The following DNASE1 variants were observed in gnomAD, a reference collection of about 807,000 sequenced individuals.
The protein encoded by DNASE1 is deoxyribonuclease 1, also known as deoxyribonuclease-1.
A neutral mutation model predicts 33.9 loss-of-function variants in DNASE1; 40 were observed. The observed-to-expected ratio is 1.18, with a 90% CI of 0.92 to 1.54. The LOEUF (loss-of-function observed/expected upper bound fraction) is 1.54. Ranked by LOEUF, DNASE1 falls within the 40% of genes most tolerant of loss-of-function variation. The pLI is 0.00. For missense variants in DNASE1, 518 were observed against 372.6 expected, an observed-to-expected ratio of 1.39 and a Z score of -3.21; for synonymous variants, 216 against 160.0, an observed-to-expected ratio of 1.35 and a Z score of -2.64.
downstream of DNASE1, chr16:3,661,580 C>T (rs566662181): frequency 1.8e-5 from 3 of 170,996 alleles, no homozygotes; most frequent in African/African-American, 4.7e-5. Flanking sequence ...GGACATTATT[C>T]GGCTATGAAA....
chr16:3,612,300 G>A (rs1364187840), intron 1 of DNASE1, among the ~76,000 whole-genome samples: 3 of 152,098 alleles, frequency 2.0e-5, no homozygotes, highest in African/African-American at 7.2e-5. Context: ...GCCCAGGCTG[G>A]GGTGCAGTGG....
upstream of DNASE1, among the ~76,000 whole-genome samples, chr16:3,650,384 G>A (rs986984802): frequency 7.9e-5 from 12 of 152,024 alleles, no homozygotes. Flanking sequence ...CTGCCTTTAT[G>A]TTTGAGGGAA....
At chr16:3,651,390 G>A (rs989285077), upstream of DNASE1, 3 of 152,208 alleles carry the variant, frequency 2.0e-5, no homozygotes, top group African/African-American at 7.2e-5. Context: ...CTGAGAAGGC[G>A]GTCAGCTTTT....
At chr16:3,615,301 A>G (rs779419165) in intron 1 of DNASE1, among the ~76,000 whole-genome samples, 5 of 152,166 alleles carry the variant, frequency 3.3e-5, no homozygotes, top group South Asian at 2.1e-4. Context: ...CCTCCCTTCA[A>G]TGAACAAAGC....
At chr16:3,639,965 T>A (rs2041985176), upstream of DNASE1, among the ~76,000 whole-genome samples, 1 of 152,182 alleles carries the variant, frequency 6.6e-6, no homozygotes, top group African/African-American at 2.4e-5. Context: ...TGGGTTTGGG[T>A]CTGGAATGCA....
At position 3,612,843 on chromosome 16, in the gene DNASE1, A is replaced by G. The variant is rs574317232; in HGVS notation, c.-1359+837A>G. Among the ~76,000 whole-genome samples the G allele has an allele frequency of 5.3e-5, 8 of 152,304 alleles. No individual in the cohort carries two copies. The East Asian group carries it at 5.8e-4, about 11-fold the overall frequency. On this transcript the variant is annotated intron_variant and NMD_transcript_variant, in intron 1 of 11. Coordinates refer to the DNASE1 transcript ENST00000570769. ...GAGGTGGAGCGAAAAGAATGGAGAA[A>G]TATGGAGCATAGTCAAGACGCAGTT...
At chr16:3,642,279 C>A (rs1164810968), upstream of DNASE1, among the ~76,000 whole-genome samples, 1 of 152,242 alleles carries the variant, frequency 6.6e-6, no homozygotes, top group African/African-American at 2.4e-5. Flanking sequence ...AGTCCACAGA[C>A]TGCCATGCCC....
intron 2 of DNASE1, 72 bp downstream of exon 2, chr16:3,655,592 C>T (rs2042551408): frequency 6.2e-7 from 1 of 1,606,658 alleles, no homozygotes. Flanking sequence ...AGGGCCAGCC[C>T]TATGGAGCCA....
Position 3,663,425 on chromosome 16 carries a change from T to TG in DNASE1, c.*5476dup, listed in dbSNP as rs747370614. 6.8e-6 allele frequency: 11 copies of TG among 1,613,968 alleles called. No homozygotes were observed. In the African/African-American group the frequency reaches 1.1e-4, roughly 16 times the overall value. On this transcript the variant is annotated 3_prime_UTR_variant, in exon 10 of 10. Transcript: ENST00000407479. ...GCCTAGAGAGCAGGGGATGCCGACC[T>TG]GGGGACCTGTCCTCAAACTTCTCCT...
upstream of DNASE1, among the ~76,000 whole-genome samples, chr16:3,642,517 A>C (rs1218436293): frequency 6.6e-6 from 1 of 151,078 alleles, no homozygotes; most frequent in Admixed American, 6.6e-5. Flanking sequence ...CCCCTCTGAC[A>C]CACCTTTCAT....
intron 1 of DNASE1, among the ~76,000 whole-genome samples, chr16:3,619,752 TCTC>T (rs1242271507): frequency 2.0e-5 from 3 of 150,080 alleles, no homozygotes; most frequent in Admixed American, 1.3e-4. Flanking sequence ...CTCAAGTGGT[TCTC>T]CTGCCTTGGC....
At chr16:3,632,444 C>T in intron 1 of DNASE1, among the ~76,000 whole-genome samples, 1 of 152,144 alleles carries the variant, frequency 6.6e-6, no homozygotes, top group African/African-American at 2.4e-5. Flanking sequence ...AGAAATACTC[C>T]TTTATAATTT....
Position 3,656,121 on chromosome 16 carries a change from CACT to C in DNASE1, c.259_261del (p.Tyr87del). 1 of 1,614,134 alleles carries C rather than the reference CACT, an allele frequency of 6.2e-7. No individual in the cohort carries two copies. The highest frequency in any genetic ancestry group is 8.5e-7 in the Non-Finnish European group (1 of 1,180,022). On this transcript the variant is annotated inframe_deletion, in exon 4 of 9. Coordinates refer to ENST00000246949, the MANE Select transcript of DNASE1 (RefSeq NM_005223.4). ...ATCCAGGGATGCACCAGACACCTAT[CACT>C]ACGTGGTCAGTGAGCCACTGGGACG...
chr16:3,642,114 C>T (rs1324331652), upstream of DNASE1, among the ~76,000 whole-genome samples: 1 of 152,186 alleles, frequency 6.6e-6, no homozygotes, highest in African/African-American at 2.4e-5. Flanking sequence ...GGTGGGAGCC[C>T]CTCCTGGCCG....
downstream of DNASE1, chr16:3,662,146 C>T: frequency 6.2e-7 from 1 of 1,607,902 alleles, no homozygotes; most frequent in Non-Finnish European, 8.5e-7. Context: ...TGAGCAAAGC[C>T]CGGGGTTGAG....
At chr16:3,624,726 G>C (rs938103735) in intron 1 of DNASE1, among the ~76,000 whole-genome samples, 11 of 152,058 alleles carry the variant, frequency 7.2e-5, no homozygotes, top group African/African-American at 2.4e-4. Flanking sequence ...CGTCACCCAG[G>C]CTGGAGTGCA....
At chr16:3,642,557 G>A (rs981428510), upstream of DNASE1, among the ~76,000 whole-genome samples, 1 of 151,952 alleles carries the variant, frequency 6.6e-6, no homozygotes, top group East Asian at 1.9e-4. Flanking sequence ...CACCTGCCAC[G>A]GCCCAGGCCC....
At chr16:3,632,941 G>A (rs1348962887) in intron 1 of DNASE1, among the ~76,000 whole-genome samples, 2 of 152,026 alleles carry the variant, frequency 1.3e-5, no homozygotes, top group South Asian at 2.1e-4. Context: ...AGTTTCCTGG[G>A]TCTTCTTTTA....
At chr16:3,615,152 C>G (rs939996351) in intron 1 of DNASE1, among the ~76,000 whole-genome samples, 1 of 152,058 alleles carries the variant, frequency 6.6e-6, no homozygotes, top group East Asian at 1.9e-4. Flanking sequence ...GAAAGTTTCA[C>G]AGATGATTCT....
Sources: allele counts gnomAD v4.1 joint callset (sites outside exome capture counted in the v4.1 genomes callset), GRCh38; gene constraint gnomAD v4.1.1; transcripts MANE v1.5; gene names NCBI Gene and HGNC (gene_info 2026-07-23, HGNC 2026-07-21).